Variants in ZNF385D observed in about 807,000 individuals in gnomAD.
ZNF385D encodes zinc finger protein 385D.
In ZNF385D, 15 loss-of-function variants were observed where a neutral mutation model predicts 35.8. The observed-to-expected ratio is 0.42, with a 90% CI of 0.28 to 0.64. The LOEUF is 0.64. ZNF385D is among the 30% of genes least tolerant of loss of function. The pLI, the probability that ZNF385D is intolerant of heterozygous loss-of-function variation, is 0.23. For missense variants in ZNF385D, 474 were observed against 494.6 expected, an observed-to-expected ratio of 0.96 and a Z score of 0.39; for synonymous variants, 212 against 186.8, an observed-to-expected ratio of 1.13 and a Z score of -1.10.
intron 4 of ZNF385D, among the ~76,000 whole-genome samples, chr3:21,509,773 A>G (rs1707062158): frequency 6.6e-6 from 1 of 152,222 alleles, no homozygotes; most frequent in African/African-American, 2.4e-5. Context: ...GGGCAGCATG[A>G]TGCATCTACA....
intron 3 of ZNF385D, among the ~76,000 whole-genome samples, chr3:21,824,002 G>A (rs945839005): frequency 2.0e-5 from 3 of 152,158 alleles, no homozygotes; most frequent in Admixed American, 6.5e-5. Flanking sequence ...AAATGCAATT[G>A]TGAAGAAAAG....
chr3:21,708,529 T>C (rs1170605947), intron 1 of ZNF385D, among the ~76,000 whole-genome samples: 3 of 152,210 alleles, frequency 2.0e-5, no homozygotes, highest in Non-Finnish European at 1.5e-5. Flanking sequence ...TCCTGACCCA[T>C]GGACATTCCT....
intron 2 of ZNF385D, among the ~76,000 whole-genome samples, chr3:22,291,837 A>G (rs1245425793): frequency 6.6e-6 from 1 of 152,062 alleles, no homozygotes; most frequent in Non-Finnish European, 1.5e-5. Flanking sequence ...AAATGCAAAA[A>G]TTTAATGCTT....
At chr3:21,621,848 C>T (rs1342082095) in intron 2 of ZNF385D, among the ~76,000 whole-genome samples, 2 of 139,758 alleles carry the variant, frequency 1.4e-5, no homozygotes, top group African/African-American at 2.7e-5. Flanking sequence ...TGAAGTGTTC[C>T]TTCCAACCTG....
chr3:21,826,947 C>T (rs2125752168), intron 3 of ZNF385D, among the ~76,000 whole-genome samples: 1 of 152,176 alleles, frequency 6.6e-6, no homozygotes, highest in Middle Eastern at 3.4e-3. Context: ...GAGGACAGAG[C>T]TTGGTTCTGC....
intron 3 of ZNF385D, among the ~76,000 whole-genome samples, chr3:21,963,832 A>G (rs920758376): frequency 2.6e-5 from 4 of 152,186 alleles, no homozygotes; most frequent in African/African-American, 9.6e-5. Context: ...GTAAATTAAA[A>G]TAATGGCCCT....
intron 3 of ZNF385D, among the ~76,000 whole-genome samples, chr3:21,980,561 A>G (rs925200156): frequency 8.5e-5 from 13 of 152,148 alleles, no homozygotes; most frequent in African/African-American, 3.1e-4. Flanking sequence ...ATATGGTTCA[A>G]CCTTCCTTTT....
intron 3 of ZNF385D, among the ~76,000 whole-genome samples, chr3:22,101,177 A>G (rs1701922191): frequency 1.3e-5 from 2 of 152,134 alleles, no homozygotes; most frequent in South Asian, 4.1e-4. Context: ...CTTTTCTAGT[A>G]GTATTCAAGA....
rs114865338 is a variant in ZNF385D, at chr3:21,708,598, T to G, written c.22+42297A>C. Among the ~76,000 whole-genome samples, 1,420 of 152,322 alleles carry G rather than the reference T, an allele frequency of 9.3e-3. 17 individuals carry two copies. Among genetic ancestry groups the G allele is most frequent in the African/African-American group, 0.031 (1,305 of 41,568 alleles). On this transcript the variant is annotated intron_variant, in intron 1 of 7. Transcript: ENST00000281523. ...AATTACTCTATTACATTACTAAATT[T>G]TAAAAGATGCTTTCACTCCTTATCA...
chr3:21,496,886 A>G (rs1008950038), intron 4 of ZNF385D, among the ~76,000 whole-genome samples: 13 of 152,078 alleles, frequency 8.5e-5, no homozygotes, highest in Non-Finnish European at 1.8e-4. Flanking sequence ...ACTAAGCATT[A>G]AAGGAGCATA....
At chr3:21,896,896 C>G (rs1028267308) in intron 3 of ZNF385D, among the ~76,000 whole-genome samples, 1 of 151,436 alleles carries the variant, frequency 6.6e-6, no homozygotes, top group East Asian at 1.9e-4. Flanking sequence ...GGCCAAGACA[C>G]AGACTTCTAG....
intron 3 of ZNF385D, among the ~76,000 whole-genome samples, chr3:21,981,649 C>T (rs929870757): frequency 2.6e-5 from 4 of 152,062 alleles, no homozygotes; most frequent in South Asian, 2.1e-4. Flanking sequence ...TTCCTATGTC[C>T]AGGGTGGTAT....
At chr3:21,978,785 A>G (rs1446371999) in intron 3 of ZNF385D, among the ~76,000 whole-genome samples, 2 of 152,192 alleles carry the variant, frequency 1.3e-5, no homozygotes, top group Admixed American at 1.3e-4. Flanking sequence ...GCTAGATGGC[A>G]TGTGAAAGGC....
intron 3 of ZNF385D, among the ~76,000 whole-genome samples, chr3:21,820,314 AAAG>A (rs763357157): frequency 3.7e-4 from 56 of 151,968 alleles, no homozygotes; most frequent in Non-Finnish European, 7.2e-4. Context: ...AGATAAATAA[AAAG>A]AAGAACCAAC....
intron 3 of ZNF385D, among the ~76,000 whole-genome samples, chr3:21,937,860 G>T (rs966102219): frequency 3.9e-5 from 6 of 152,132 alleles, no homozygotes; most frequent in African/African-American, 1.4e-4. Context: ...GCTTTAAGTA[G>T]CCTCTATAAC....
chr3:21,520,844 C>T (rs1385173616), intron 3 of ZNF385D, among the ~76,000 whole-genome samples: 1 of 152,110 alleles, frequency 6.6e-6, no homozygotes, highest in African/African-American at 2.4e-5. Context: ...AATGCTAGTC[C>T]TTTGTTAACA....
intron 1 of ZNF385D, among the ~76,000 whole-genome samples, chr3:21,676,662 C>A (rs1179153590): frequency 6.6e-6 from 1 of 151,950 alleles, no homozygotes; most frequent in African/African-American, 2.4e-5. Context: ...ATGAAGATAT[C>A]CTTATTTTCA....
chr3:21,427,888 G>GCA (rs80162236), intron 5 of ZNF385D, among the ~76,000 whole-genome samples: 10,005 of 151,824 alleles, frequency 0.066, 384 homozygotes, highest in Middle Eastern at 0.099. Context: ...ACATGCACAT[G>GCA]CACACACACA....
At chr3:21,583,539 T>G (rs1249967075) in intron 2 of ZNF385D, among the ~76,000 whole-genome samples, 3 of 152,194 alleles carry the variant, frequency 2.0e-5, no homozygotes, top group South Asian at 4.1e-4. Flanking sequence ...TGATTTACTA[T>G]TAGGACTTTT....
Sources: gnomAD v4.1 joint callset for allele counts (sites outside exome capture counted in the v4.1 genomes callset) on GRCh38, gnomAD v4.1.1 for gene constraint, MANE v1.5 for transcripts, NCBI Gene and HGNC (gene_info 2026-07-23, HGNC 2026-07-21) for gene names.